Variants in CNTNAP3 observed in about 807,000 individuals in gnomAD.
CNTNAP3 encodes the protein contactin associated protein family member 3.
In CNTNAP3, 36 loss-of-function variants were observed where a neutral mutation model predicts 92.1. The ratio of observed to expected loss-of-function variants is 0.39; its 90% CI spans 0.30 to 0.52. The LOEUF (loss-of-function observed/expected upper bound fraction) is 0.52. Ranked by LOEUF, CNTNAP3 falls within the 20% of genes least tolerant of loss-of-function variation. The probability of loss-of-function intolerance (pLI) is 0.76; values close to 1 mark genes in which losing one functional copy is unlikely to be tolerated. For synonymous variants in CNTNAP3, 232 were observed against 422.3 expected (o/e 0.55, Z 5.53); for missense variants, 534 against 1,069.6 (o/e 0.50, Z 6.98).
rs1293840813 is a variant in CNTNAP3, at chr9:39,065,932, T to G, written c.*7958A>C. Among the ~76,000 whole-genome samples, 1 of 152,234 alleles carries G rather than the reference T, an allele frequency of 6.6e-6. No homozygotes were observed. Among genetic ancestry groups the G allele is most frequent in the Non-Finnish European group, 1.5e-5 (1 of 68,030 alleles). On this transcript the variant is annotated 3_prime_UTR_variant, in exon 24 of 24. Coordinates refer to ENST00000297668, the MANE Select transcript of CNTNAP3 (RefSeq NM_033655.5). ...AGCTTGACTCTTATTCTCTTAACAA[T>G]GTATTTTAAAAGGAGAGTTGTTAAT...
In CNTNAP3 at chr9:39,109,381, A is replaced by G. The variant is rs1826688074; in HGVS notation, c.2238-94T>C. ...CTTATCTCAATTTGAAACCAACATC[A>G]TAGAGCTTAACAGAATACTTAACAT... On this transcript the variant is annotated intron_variant, in intron 14 of 23. Coordinates refer to ENST00000297668, the MANE Select transcript of CNTNAP3 (RefSeq NM_033655.5). 2.6e-6 allele frequency: 4 copies of G among 1,546,982 alleles called. No individual in the cohort carries two copies. In the African/African-American group the frequency reaches 5.5e-5, roughly 21 times the overall value.
In CNTNAP3 at chr9:39,287,925, A is replaced by C. The variant is rs1174298723; in HGVS notation, c.85+55T>G. 1.3e-4 allele frequency: 37 copies of C among 295,916 alleles called. 1 individual carries two copies. Among genetic ancestry groups the C allele is most frequent in the African/African-American group, 8.6e-4 (28 of 32,652 alleles). The allele number at this position is 295,916 out of a possible 1,614,324, so 18.3% of individuals were successfully genotyped here. On this transcript the variant is annotated intron_variant, in intron 1 of 23. Coordinates refer to ENST00000297668, the MANE Select transcript of CNTNAP3 (RefSeq NM_033655.5). The stretch of plus-strand genomic sequence containing the variant: ...AATATTACCGATAATAAAAAAAAAA[A>C]AACAAAGTTTTCCAGACAGCCTAGC...
At chr9:39,089,612 C>T (rs1421661812) in intron 18 of CNTNAP3, among the ~76,000 whole-genome samples, 1 of 152,048 alleles carries the variant, frequency 6.6e-6, no homozygotes, top group African/African-American at 2.4e-5. Context: ...TATGATAACA[C>T]CAACTTTAAA....
rs1182114801 is a variant in CNTNAP3 at position 39,068,872 on chromosome 9, T to G, written c.*5018A>C. Reference sequence around the variant, plus strand: ...ATTACATTCCGTGCCTCATGTCCAGTGTACTGAAAACCATAGTTTCATATA... The same window carrying G: ...ATTACATTCCGTGCCTCATGTCCAGGGTACTGAAAACCATAGTTTCATATA... On this transcript the variant is annotated 3_prime_UTR_variant, in exon 24 of 24. Transcript: ENST00000297668. 1.3e-5 allele frequency among the ~76,000 whole-genome samples: 2 copies of G among 152,310 alleles called. No homozygotes were observed. The highest frequency in any genetic ancestry group is 6.5e-5 in the Admixed American group (1 of 15,294).
At chr9:39,141,472 G>A (rs1821574280) in intron 11 of CNTNAP3, among the ~76,000 whole-genome samples, 2 of 152,130 alleles carry the variant, frequency 1.3e-5, no homozygotes, top group Admixed American at 6.5e-5. Context: ...TTTTGCAAGT[G>A]ACAATTCAAG....
At chr9:39,107,225 GA>G (rs200669401) in intron 15 of CNTNAP3, among the ~76,000 whole-genome samples, 5,798 of 134,536 alleles carry the variant, frequency 0.043, 161 homozygotes, top group Non-Finnish European at 0.066. Flanking sequence ...GAAAGAAAAA[GA>G]AAAAAAGAAG....
chr9:39,111,383 T>G (rs1407766220), intron 14 of CNTNAP3, among the ~76,000 whole-genome samples: 1 of 152,198 alleles, frequency 6.6e-6, no homozygotes, highest in Non-Finnish European at 1.5e-5. Flanking sequence ...CTATATTATT[T>G]AAGATTATTC....
chr9:39,149,480 G>C (rs1476259928), intron 10 of CNTNAP3, among the ~76,000 whole-genome samples: 1 of 151,380 alleles, frequency 6.6e-6, no homozygotes, highest in Non-Finnish European at 1.5e-5. Context: ...CTCCCCAGTA[G>C]CTGGGACTAC....
At position 39,069,823 on chromosome 9, in the gene CNTNAP3, G is replaced by C. The variant is rs1207395431; in HGVS notation, c.*4067C>G. 6.6e-6 allele frequency among the ~76,000 whole-genome samples: 1 copy of C among 152,244 alleles called. No individual in the cohort carries two copies. The highest frequency in any genetic ancestry group is 6.5e-5 in the Admixed American group (1 of 15,290). On this transcript the variant is annotated 3_prime_UTR_variant, in exon 24 of 24. Transcript: ENST00000297668. ...CTACATCCATTGGGAGTGATGTGAA[G>C]GAAGAGAAAAGCGTTGGACTCTATG...
At chr9:39,143,955 T>C (rs1487763132) in intron 11 of CNTNAP3, among the ~76,000 whole-genome samples, 1 of 152,220 alleles carries the variant, frequency 6.6e-6, no homozygotes, top group African/African-American at 2.4e-5. Flanking sequence ...GCATTTTTAA[T>C]TTAATTTAGT....
intron 10 of CNTNAP3, among the ~76,000 whole-genome samples, chr9:39,145,107 G>T (rs1163038640): frequency 7.2e-6 from 1 of 138,822 alleles, no homozygotes; most frequent in Admixed American, 6.9e-5. Context: ...ATAATATTGG[G>T]GGCCTAGCAT....
chr9:39,069,251 A>G lies in CNTNAP3; in HGVS notation c.*4639T>C, dbSNP rs1267588695. On this transcript the variant is annotated 3_prime_UTR_variant, in exon 24 of 24. Transcript: ENST00000297668. Reference sequence around the variant, plus strand: ...AATTATCTGTGTAATGTTTTCTCAAAGCAGTGAAGGCCTTTGTGAATTTTG... The same window carrying G: ...AATTATCTGTGTAATGTTTTCTCAAGGCAGTGAAGGCCTTTGTGAATTTTG... Among the ~76,000 whole-genome samples the G allele has an allele frequency of 1.3e-5, 2 of 152,252 alleles. No individual in the cohort carries two copies. Among genetic ancestry groups the G allele is most frequent in the African/African-American group, 4.8e-5 (2 of 41,470 alleles).
Position 39,073,707 on chromosome 9 carries a change from C to G in CNTNAP3, c.*183G>C. 6.6e-7 allele frequency: 1 copy of G among 1,515,996 alleles called. No homozygotes were observed. The highest frequency in any genetic ancestry group is 1.4e-5 in the African/African-American group (1 of 72,752). 93.9% of individuals were successfully genotyped at this position (1,515,996 alleles called of 1,614,324 possible). ...GGGAGAAAGGGACCTCCCAGAGGCT[C>G]CGAGGCTGCAGGTCTTCAGCCAGGT... On this transcript the variant is annotated 3_prime_UTR_variant, in exon 24 of 24. Transcript: ENST00000297668.
chr9:39,067,205 C>T lies in CNTNAP3; in HGVS notation c.*6685G>A. 6.6e-6 allele frequency among the ~76,000 whole-genome samples: 1 copy of T among 152,420 alleles called. No homozygotes were observed. Among genetic ancestry groups the T allele is most frequent in the Middle Eastern group, 3.4e-3 (1 of 294 alleles). The stretch of plus-strand genomic sequence containing the variant: ...TCATCTCTCGAAGTTTAATTAAAGC[C>T]TTTTCTTGTCACATCCTAATCTTTG... On this transcript the variant is annotated 3_prime_UTR_variant, in exon 24 of 24. Coordinates refer to ENST00000297668, the MANE Select transcript of CNTNAP3 (RefSeq NM_033655.5).
At chr9:39,132,819 G>C (rs1821326052) in intron 13 of CNTNAP3, 113 bp downstream of exon 13, 1 of 1,262,750 alleles carries the variant, frequency 7.9e-7, no homozygotes, top group African/African-American at 1.6e-5. Context: ...TCAGGGCTTT[G>C]AACTAAGAGC....
In CNTNAP3 at chr9:39,130,937, G is replaced by A. The variant is rs545887534; in HGVS notation, c.2080+1995C>T. ...TGGGGGAACTGCTTAACGGCTACTC[G>A]GGTTCTCTCTGTTACTTCTCACAAG... On this transcript the variant is annotated intron_variant, in intron 13 of 23. Transcript: ENST00000297668. 3.8e-4 allele frequency among the ~76,000 whole-genome samples: 58 copies of A among 151,906 alleles called. 1 individual carries two copies. In the East Asian group the frequency reaches 8.7e-3, roughly 23 times the overall value.
At chr9:39,093,815 T>C (rs1267558219) in intron 18 of CNTNAP3, among the ~76,000 whole-genome samples, 2 of 151,528 alleles carry the variant, frequency 1.3e-5, no homozygotes, top group Admixed American at 6.6e-5. Flanking sequence ...AGTGCTACTA[T>C]GAACATTTGT....
chr9:39,124,059 G>C (rs564060256), intron 13 of CNTNAP3, among the ~76,000 whole-genome samples: 11 of 152,116 alleles, frequency 7.2e-5, no homozygotes, highest in African/African-American at 2.4e-4. Context: ...GATGTAATAG[G>C]TAACAGCTCT....
chr9:39,153,559 TTC>T (rs756247272), intron 9 of CNTNAP3, among the ~76,000 whole-genome samples: 4 of 18,778 alleles, frequency 2.1e-4, no homozygotes, highest in Non-Finnish European at 3.4e-4. Context: ...TTCTCTTTCT[TTC>T]TCTCTCTCTC....
Sources: gnomAD v4.1 joint callset for allele counts (sites outside exome capture counted in the v4.1 genomes callset) on GRCh38, gnomAD v4.1.1 for gene constraint, MANE v1.5 for transcripts, NCBI Gene and HGNC (gene_info 2026-07-23, HGNC 2026-07-21) for gene names.